The following MRPS6 variants were observed in gnomAD, a reference collection of about 807,000 sequenced individuals.
MRPS6 encodes small ribosomal subunit protein bS6m.
In MRPS6, 6 loss-of-function variants were observed where a neutral mutation model predicts 13.1. The ratio of observed to expected loss-of-function variants is 0.46; its 90% confidence interval spans 0.25 to 0.91. MRPS6 has a LOEUF of 0.91. Among genes scored for constraint, MRPS6 ranks in the 40% least tolerant of loss-of-function variants. MRPS6 has a pLI of 0.18. For missense variants in MRPS6, 164 were observed against 155.6 expected (o/e 1.05, Z -0.29); for synonymous variants, 61 against 56.5 (o/e 1.08, Z -0.36).
intron 1 of MRPS6, chr21:34,102,088 A>T: frequency 1.0e-6 from 1 of 1,000,060 alleles, no homozygotes; most frequent in Non-Finnish European, 1.2e-6. Flanking sequence ...TGGTTAACTT[A>T]GGGCTGCAAA....
chr21:34,124,888 G>C (rs781517903), intron 1 of MRPS6: 2 of 153,686 alleles, frequency 1.3e-5, no homozygotes, highest in African/African-American at 2.4e-5. Context: ...TTTTTCTTTG[G>C]GAGACAACAC....
chr21:34,079,966 CTGAA>C, intron 1 of MRPS6, among the ~76,000 whole-genome samples: 1 of 152,242 alleles, frequency 6.6e-6, no homozygotes, highest in East Asian at 1.9e-4. Context: ...TCATCTGGGG[CTGAA>C]CAAATGCAGT....
chr21:34,113,071 T>C (rs1401733753), intron 1 of MRPS6, among the ~76,000 whole-genome samples: 1 of 152,084 alleles, frequency 6.6e-6, no homozygotes, highest in Non-Finnish European at 1.5e-5. Flanking sequence ...GGATGGCTAT[T>C]ATGAAAAAGA....
intron 1 of MRPS6, chr21:34,101,557 C>G (rs1000196042): frequency 1.0e-6 from 1 of 999,958 alleles, no homozygotes; most frequent in African/African-American, 1.7e-5. Flanking sequence ...AGAGACTGGT[C>G]TTTCTCTTTG....
chr21:34,111,634 A>C (rs958857229), intron 1 of MRPS6, among the ~76,000 whole-genome samples: 1 of 152,124 alleles, frequency 6.6e-6, no homozygotes, highest in South Asian at 2.1e-4. Context: ...GTTCCTTTTC[A>C]TATGTGGCCT....
rs1294949011 is a variant in MRPS6 at position 34,097,390 on chromosome 21, A to G, written c.45+23645A>G. On this transcript the variant is annotated intron_variant, in intron 1 of 2. Transcript: ENST00000399312. ...TATGGTGAGACACTAACTTAAGACA[A>G]TACTGACTGGTCTTTGGGGAAAAAA... The G allele has an allele frequency of 8.5e-6, 13 of 1,525,562 alleles. 1 individual carries two copies. In the East Asian group the frequency reaches 1.6e-4, roughly 19 times the overall value. The allele number at this position is 1,525,562 out of a possible 1,614,324, so 94.5% of individuals were successfully genotyped here. A position where few individuals can be genotyped will look rare whatever the true frequency, so the allele number is the denominator to read the frequency against.
intron 1 of MRPS6, chr21:34,103,501 A>G: frequency 5.0e-6 from 5 of 999,286 alleles, no homozygotes; most frequent in Non-Finnish European, 4.8e-6. Context: ...TTGTAGGTTG[A>G]TAGGTATATC....
intron 1 of MRPS6, chr21:34,095,376 A>G: frequency 6.2e-7 from 1 of 1,614,084 alleles, no homozygotes. Flanking sequence ...TGTGAGCAAT[A>G]TTGGGAGTGA....
rs57379855 is a variant in MRPS6 at position 34,125,614 on chromosome 21, T to A, written c.185+134T>A. ...GCCTAGGTGTCCTTTGGGTACACACTCTGGCAGTCTTGTGTTGCAGATGGG... is the reference window on the plus strand; with the variant it reads ...GCCTAGGTGTCCTTTGGGTACACACACTGGCAGTCTTGTGTTGCAGATGGG... On this transcript the variant is annotated intron_variant, in intron 2 of 2. Coordinates refer to ENST00000399312, the MANE Select transcript of MRPS6 (RefSeq NM_032476.4). 1.5e-3 allele frequency: 2,037 copies of A among 1,325,704 alleles called. 31 individuals are homozygous for A. In the African/African-American group the frequency reaches 0.027, roughly 17 times the overall value. 82.1% of individuals were successfully genotyped at this position (1,325,704 alleles called of 1,614,324 possible). A position where few individuals can be genotyped will look rare whatever the true frequency, so the allele number is the denominator to read the frequency against.
At chr21:34,079,253 A>C (rs756254793) in intron 1 of MRPS6, among the ~76,000 whole-genome samples, 1 of 152,234 alleles carries the variant, frequency 6.6e-6, no homozygotes, top group Non-Finnish European at 1.5e-5. Flanking sequence ...TTCAGAGTCC[A>C]TAAGTAAAGT....
At chr21:34,131,545 A>AT (rs1278725975) in intron 2 of MRPS6, among the ~76,000 whole-genome samples, 13 of 151,868 alleles carry the variant, frequency 8.6e-5, no homozygotes, top group Admixed American at 8.5e-4. Context: ...TTCCAAGGCC[A>AT]TTTTTTCAGC....
rs562193560 is a variant in MRPS6 at position 34,104,449 on chromosome 21, T to A, written c.46-20892T>A. 98 of 999,810 alleles carry A rather than the reference T, an allele frequency of 9.8e-5. No homozygotes were observed. In the East Asian group the frequency reaches 4.0e-3, roughly 40 times the overall value. 61.9% of individuals were successfully genotyped at this position (999,810 alleles called of 1,614,324 possible). On this transcript the variant is annotated intron_variant, in intron 1 of 2. Coordinates refer to ENST00000399312, the MANE Select transcript of MRPS6 (RefSeq NM_032476.4). ...TAAATTTTGCCCATGTGTTAAAAGA[T>A]GTAATTCTCAGAATGGGAGAGAAAT...
intron 1 of MRPS6, chr21:34,097,634 G>A: frequency 8.7e-7 from 1 of 1,148,622 alleles, no homozygotes; most frequent in South Asian, 3.0e-5. Flanking sequence ...TTCTCACAGA[G>A]CACTTAGAGC....
At chr21:34,078,384 A>G (rs1989383415) in intron 1 of MRPS6, among the ~76,000 whole-genome samples, 2 of 152,174 alleles carry the variant, frequency 1.3e-5, no homozygotes, top group Non-Finnish European at 2.9e-5. Context: ...AGCTACAGCT[A>G]AGGTACAAGG....
In MRPS6 at chr21:34,088,870, A is replaced by AT. The variant is rs549629019; in HGVS notation, c.45+15140dup. Among the ~76,000 whole-genome samples, 1,411 of 145,426 alleles carry AT rather than the reference A, an allele frequency of 9.7e-3. 8 individuals carry two copies. Among genetic ancestry groups the AT allele is most frequent in the Non-Finnish European group, 0.012 (772 of 65,718 alleles). ...GTGTTAGGACTTAGGTTAGTGTAAG[A>AT]TTTTTTTTTTTTTTTAAATTTCCAT... is the stretch of plus-strand genomic sequence containing the variant. On this transcript the variant is annotated intron_variant, in intron 1 of 2. Coordinates refer to ENST00000399312, the MANE Select transcript of MRPS6 (RefSeq NM_032476.4).
rs549386603 is a variant in MRPS6, at chr21:34,092,979, T to C, written c.45+19234T>C. Among the ~76,000 whole-genome samples, 3 of 152,266 alleles carry C rather than the reference T, an allele frequency of 2.0e-5. No individual in the cohort carries two copies. In the East Asian group the frequency reaches 5.8e-4, roughly 29 times the overall value. On this transcript the variant is annotated intron_variant, in intron 1 of 2. Coordinates refer to ENST00000399312, the MANE Select transcript of MRPS6 (RefSeq NM_032476.4). ...GGTTTCATAACTGCGAACAGCAGTT[T>C]TCATTGTAATTGACACAGCAGTTTT...
intron 2 of MRPS6, among the ~76,000 whole-genome samples, chr21:34,131,709 C>T (rs1314712750): frequency 6.6e-6 from 1 of 152,172 alleles, no homozygotes; most frequent in East Asian, 1.9e-4. Flanking sequence ...CGGGACTGTA[C>T]TTGGTGTTGT....
At chr21:34,133,071 C>T (rs1215579881) in intron 2 of MRPS6, among the ~76,000 whole-genome samples, 2 of 152,204 alleles carry the variant, frequency 1.3e-5, no homozygotes, top group Non-Finnish European at 2.9e-5. Context: ...ACTTTCTCTT[C>T]TTCCCTTTCC....
intron 1 of MRPS6, among the ~76,000 whole-genome samples, chr21:34,109,086 T>C (rs562559497): frequency 6.6e-6 from 1 of 152,286 alleles, no homozygotes; most frequent in Admixed American, 6.5e-5. Context: ...GAATAAAATT[T>C]CTGTTGAGTT....
Sources: allele counts gnomAD v4.1 joint callset (sites outside exome capture counted in the v4.1 genomes callset), GRCh38; gene constraint gnomAD v4.1.1; transcripts MANE v1.5; gene names NCBI Gene and HGNC (gene_info 2026-07-23, HGNC 2026-07-21).